Variants in DMC1 observed in about 807,000 individuals in gnomAD.
The protein encoded by DMC1 is DNA meiotic recombinase 1, also known as meiotic recombination protein DMC1 homolog.
Under a neutral mutation model 50.1 loss-of-function variants are expected in DMC1, and 27 were observed. That is an observed-to-expected ratio of 0.54 (90% confidence interval 0.40 to 0.74). The LOEUF is 0.74. Ranked by LOEUF, DMC1 falls within the 30% of genes least tolerant of loss-of-function variation. The pLI is 0.00. For synonymous variants in DMC1, 148 were observed against 136.1 expected, an observed-to-expected ratio of 1.09 and a Z score of -0.61; for missense variants, 295 against 420.2, an observed-to-expected ratio of 0.70 and a Z score of 2.60.
chr22:38,512,724 G>T, the DMC1 span, among the ~76,000 whole-genome samples: 1 of 152,144 alleles, frequency 6.6e-6, no homozygotes, highest in African/African-American at 2.4e-5. Context: ...TGTTACCTTG[G>T]TTGGAGTTCT....
At chr22:38,542,626 T>G (rs1188598689) in intron 8 of DMC1, among the ~76,000 whole-genome samples, 5 of 152,180 alleles carry the variant, frequency 3.3e-5, no homozygotes, top group Non-Finnish European at 1.5e-5. Flanking sequence ...ATGTCCATAC[T>G]AAACACAGCA....
chr22:38,548,331 T>C (rs1356645762), intron 8 of DMC1, among the ~76,000 whole-genome samples: 1 of 152,224 alleles, frequency 6.6e-6, no homozygotes, highest in Non-Finnish European at 1.5e-5. Context: ...CCCAGTCCTT[T>C]GGGAGGCCAA....
At chr22:38,522,427 TG>T (rs1158758414) in intron 12 of DMC1, among the ~76,000 whole-genome samples, 1 of 152,050 alleles carries the variant, frequency 6.6e-6, no homozygotes, top group African/African-American at 2.4e-5. Flanking sequence ...TGGTGGCGTG[TG>T]CCTGATGCTT....
intron 12 of DMC1, among the ~76,000 whole-genome samples, chr22:38,525,369 A>G (rs1569153504): frequency 6.6e-6 from 1 of 152,176 alleles, no homozygotes; most frequent in Non-Finnish European, 1.5e-5. Flanking sequence ...AGATTCCCCC[A>G]GTTGAAGCAC....
At chr22:38,538,001 T>G (rs2090234381) in intron 11 of DMC1, among the ~76,000 whole-genome samples, 2 of 151,820 alleles carry the variant, frequency 1.3e-5, no homozygotes, top group African/African-American at 4.8e-5. Flanking sequence ...AAAATTGGCC[T>G]GGTGTGATGG....
At chr22:38,548,014 CTCA>C (rs2090363261) in intron 8 of DMC1, among the ~76,000 whole-genome samples, 1 of 152,224 alleles carries the variant, frequency 6.6e-6, no homozygotes, top group African/African-American at 2.4e-5. Flanking sequence ...TTGCTGACAA[CTCA>C]TCGTCTTGAA....
chr22:38,544,159 C>G (rs1393330904), intron 8 of DMC1, among the ~76,000 whole-genome samples: 2 of 152,186 alleles, frequency 1.3e-5, no homozygotes, highest in Non-Finnish European at 2.9e-5. Flanking sequence ...ATCTAATAAT[C>G]TTATTTAAAA....
At position 38,519,833 on chromosome 22, in the gene DMC1, C is replaced by T. The variant is rs1341190949; in HGVS notation, c.*187G>A. The T allele has an allele frequency of 3.5e-6, 2 of 563,428 alleles. No homozygotes were observed. The highest frequency in any genetic ancestry group is 6.5e-6 in the Non-Finnish European group (2 of 309,000). The allele number at this position is 563,428 out of a possible 1,614,324, so 34.9% of individuals were successfully genotyped here. A position where few individuals can be genotyped will look rare whatever the true frequency, so the allele number is the denominator to read the frequency against. On this transcript the variant is annotated 3_prime_UTR_variant, in exon 14 of 14. Coordinates refer to ENST00000216024, the MANE Select transcript of DMC1 (RefSeq NM_007068.4). ...ATACATATACATATCCCTGAATTTA[C>T]ATACAATGTATAGTTATCATAAATC...
intron 12 of DMC1, among the ~76,000 whole-genome samples, chr22:38,529,467 G>C: frequency 6.6e-6 from 1 of 152,160 alleles, no homozygotes; most frequent in Admixed American, 6.6e-5. Flanking sequence ...AGGAGGAGAT[G>C]GGGGTGGATA....
At chr22:38,512,641 C>T in the DMC1 span, among the ~76,000 whole-genome samples, 17 of 152,146 alleles carry the variant, frequency 1.1e-4, no homozygotes, top group African/African-American at 4.1e-4. Context: ...GCTGTCCCAC[C>T]CGAGTGTTAA....
chr22:38,514,401 C>G (rs1480070400), downstream of DMC1, among the ~76,000 whole-genome samples: 1 of 151,550 alleles, frequency 6.6e-6, no homozygotes, highest in Non-Finnish European at 1.5e-5. Flanking sequence ...TGCAACATGA[C>G]GCCCAGCTAA....
intron 5 of DMC1, among the ~76,000 whole-genome samples, chr22:38,555,733 G>GA (rs1181806882): frequency 6.6e-6 from 1 of 151,524 alleles, no homozygotes; most frequent in African/African-American, 2.4e-5. Flanking sequence ...ATTATTTTAA[G>GA]AAAAAACTTA....
At chr22:38,512,256 T>A in the DMC1 span, among the ~76,000 whole-genome samples, 5 of 152,178 alleles carry the variant, frequency 3.3e-5, no homozygotes, top group Non-Finnish European at 7.3e-5. Flanking sequence ...ATTACAGGTG[T>A]GAGCCACTGC....
At chr22:38,515,490 A>AG (rs1238113556), downstream of DMC1, among the ~76,000 whole-genome samples, 3 of 148,602 alleles carry the variant, frequency 2.0e-5, no homozygotes, top group Admixed American at 6.7e-5. Context: ...AAAAAAAAAA[A>AG]AGAAAGAAAA....
At chr22:38,530,019 G>C (rs1449100169) in intron 12 of DMC1, among the ~76,000 whole-genome samples, 4 of 152,130 alleles carry the variant, frequency 2.6e-5, no homozygotes, top group Non-Finnish European at 5.9e-5. Context: ...AGGCTGGAGT[G>C]CAGTCACATG....
chr22:38,539,515 C>T, intron 8 of DMC1, 103 bp from the exon 9 acceptor site: 1 of 896,170 alleles, frequency 1.1e-6, no homozygotes, highest in Non-Finnish European at 1.8e-6. Context: ...AGAAGCCAAA[C>T]AATGTACCTG....
At position 38,538,580 on chromosome 22, in the gene DMC1, C is replaced by T; in HGVS notation, c.619G>A (p.Ala207Thr). ...EHQMELLDYV[A>T]AKFHEEAGIF... ...CCAGCTTCTTCATGGAACTTTGCTG[C>T]TACATAATCAAGTAGCTCCATCTGA... is the stretch of plus-strand genomic sequence containing the variant. Residue 207 changes from alanine to threonine, a missense_variant, in exon 10 of 14, where the codon GCA becomes ACA. Coordinates refer to ENST00000216024, the MANE Select transcript of DMC1 (RefSeq NM_007068.4). 6.2e-7 allele frequency: 1 copy of T among 1,614,010 alleles called. No individual in the cohort carries two copies. Among genetic ancestry groups the T allele is most frequent in the Non-Finnish European group, 8.5e-7 (1 of 1,179,988 alleles).
intron 7 of DMC1, among the ~76,000 whole-genome samples, chr22:38,552,156 C>T (rs1200535951): frequency 1.3e-5 from 2 of 152,020 alleles, no homozygotes; most frequent in Non-Finnish European, 2.9e-5. Context: ...CCACCGGGCC[C>T]GGCCAGAACT....
chr22:38,519,954 G>A lies in DMC1; in HGVS notation c.*66C>T, dbSNP rs2090005630. On this transcript the variant is annotated 3_prime_UTR_variant, in exon 14 of 14. Transcript: ENST00000216024. ...ACCTCTATTTCAAGATGTGAAATTGGAGACTGCTTTTCCATTTCTTCAGCT... is the reference window on the plus strand; with the variant it reads ...ACCTCTATTTCAAGATGTGAAATTGAAGACTGCTTTTCCATTTCTTCAGCT... 6.1e-6 allele frequency: 8 copies of A among 1,313,858 alleles called. No homozygotes were observed. The East Asian group carries it at 1.9e-4, about 30-fold the overall frequency. 81.4% of individuals were successfully genotyped at this position (1,313,858 alleles called of 1,614,324 possible).
Sources: allele counts gnomAD v4.1 joint callset (sites outside exome capture counted in the v4.1 genomes callset), GRCh38; gene constraint gnomAD v4.1.1; transcripts MANE v1.5; gene names NCBI Gene and HGNC (gene_info 2026-07-23, HGNC 2026-07-21).